Variants in TNFSF4 observed in about 807,000 individuals in gnomAD.
TNFSF4 encodes tumor necrosis factor ligand superfamily member 4.
In TNFSF4, 4 loss-of-function variants were observed where a neutral mutation model predicts 7.3. That is an observed-to-expected ratio of 0.55 (90% CI 0.27 to 1.25). The LOEUF is 1.25. Among genes scored for constraint, TNFSF4 ranks in the 50% most tolerant of loss-of-function variants. The pLI, the probability that TNFSF4 is intolerant of heterozygous loss-of-function variation, is 0.12. For missense variants in TNFSF4, 181 were observed against 208.8 expected (o/e 0.87, Z 0.82); for synonymous variants, 76 against 83.7 (o/e 0.91, Z 0.50).
At chr1:173,217,254 T>C in the TNFSF4 span, among the ~76,000 whole-genome samples, 1 of 152,196 alleles carries the variant, frequency 6.6e-6, no homozygotes, top group Non-Finnish European at 1.5e-5. Flanking sequence ...GCTCAACACA[T>C]GAACAGAATA....
At chr1:173,215,631 C>A in the TNFSF4 span, among the ~76,000 whole-genome samples, 1 of 152,278 alleles carries the variant, frequency 6.6e-6, no homozygotes, top group African/African-American at 2.4e-5. Context: ...AAACAAAAAA[C>A]CTGTAAGCCT....
the TNFSF4 span, among the ~76,000 whole-genome samples, chr1:173,247,130 A>G: frequency 3.3e-4 from 50 of 152,208 alleles, 1 homozygote; most frequent in African/African-American, 1.2e-3. Flanking sequence ...CCTCCTACTC[A>G]GGGATGGGTG....
At chr1:173,335,398 G>A in the TNFSF4 span, among the ~76,000 whole-genome samples, 3 of 152,018 alleles carry the variant, frequency 2.0e-5, no homozygotes, top group Non-Finnish European at 4.4e-5. Context: ...TCTCCGTAGG[G>A]GCCAGACATT....
the TNFSF4 span, among the ~76,000 whole-genome samples, chr1:173,304,609 C>G: frequency 6.6e-6 from 1 of 151,952 alleles, no homozygotes; most frequent in Non-Finnish European, 1.5e-5. Context: ...GTTACTTACT[C>G]TCAGTAAATT....
At chr1:173,353,319 C>A in the TNFSF4 span, among the ~76,000 whole-genome samples, 1 of 152,156 alleles carries the variant, frequency 6.6e-6, no homozygotes, top group Non-Finnish European at 1.5e-5. Flanking sequence ...TAAGAAATTA[C>A]AAAAGTACTA....
chr1:173,261,283 G>GA, the TNFSF4 span, among the ~76,000 whole-genome samples: 1 of 152,136 alleles, frequency 6.6e-6, no homozygotes, highest in African/African-American at 2.4e-5. Context: ...AAACTAGTGA[G>GA]AACAAAGAGA....
the TNFSF4 span, among the ~76,000 whole-genome samples, chr1:173,310,037 C>G: frequency 6.6e-6 from 1 of 151,728 alleles, no homozygotes; most frequent in African/African-American, 2.4e-5. Flanking sequence ...TTTTTCCTTC[C>G]AATATTGAAA....
chr1:173,427,529 T>C, the TNFSF4 span, among the ~76,000 whole-genome samples: 1 of 152,038 alleles, frequency 6.6e-6, no homozygotes, highest in Admixed American at 6.5e-5. Flanking sequence ...ACTGACAGTG[T>C]AAAGAATGTC....
At chr1:173,316,612 C>A in the TNFSF4 span, among the ~76,000 whole-genome samples, 1 of 151,964 alleles carries the variant, frequency 6.6e-6, no homozygotes, top group African/African-American at 2.4e-5. Flanking sequence ...GTTTCTCAAA[C>A]CATCTGTGGT....
the TNFSF4 span, chr1:173,441,882 AC>A: frequency 1.3e-5 from 2 of 152,192 alleles, no homozygotes; most frequent in Non-Finnish European, 2.9e-5. Flanking sequence ...GCAAAAACTA[AC>A]ACCCATTCCT....
chr1:173,207,069 CA>C lies in TNFSF4; in HGVS notation c.107del (p.Leu36ArgfsTer51). On this transcript the variant is annotated frameshift_variant, in exon 1 of 3. Coordinates refer to ENST00000281834, the MANE Select transcript of TNFSF4 (RefSeq NM_003326.5). LOFTEE classifies it high-confidence loss of function. ...LVASVIQGLG[L>X]LLCFTYICLH... ...GGCAGATGTAGGTGAAGCACAGGAGCAGCCCCAGTCCCTGAATTACAGAGGC... is the reference window on the plus strand; with the variant it reads ...GGCAGATGTAGGTGAAGCACAGGAGCGCCCCAGTCCCTGAATTACAGAGGC... 6.2e-7 allele frequency: 1 copy of C among 1,613,662 alleles called. No individual in the cohort carries two copies. The highest frequency in any genetic ancestry group is 1.1e-5 in the South Asian group (1 of 91,046).
chr1:173,267,913 A>AAGGAAC, the TNFSF4 span, among the ~76,000 whole-genome samples: 43,585 of 151,188 alleles, frequency 0.29, 6,342 homozygotes, highest in Admixed American at 0.37. Context: ...GAGGAAAGAG[A>AAGGAAC]AGGAGAGGAA....
At chr1:173,395,447 A>G in the TNFSF4 span, among the ~76,000 whole-genome samples, 4 of 135,520 alleles carry the variant, frequency 3.0e-5, no homozygotes, top group African/African-American at 1.1e-4. Context: ...AAATTTTGGG[A>G]AAACTGGTGA....
At chr1:173,326,598 G>T in the TNFSF4 span, among the ~76,000 whole-genome samples, 1 of 152,168 alleles carries the variant, frequency 6.6e-6, no homozygotes, top group Admixed American at 6.5e-5. Context: ...CAGACGACAT[G>T]ATTGTATATC....
At chr1:173,254,144 A>G in the TNFSF4 span, among the ~76,000 whole-genome samples, 2 of 152,218 alleles carry the variant, frequency 1.3e-5, no homozygotes, top group Non-Finnish European at 2.9e-5. Context: ...TTAAGACTCA[A>G]ACTCTTTAGT....
At chr1:173,230,807 T>C in the TNFSF4 span, among the ~76,000 whole-genome samples, 1 of 152,016 alleles carries the variant, frequency 6.6e-6, no homozygotes, top group Non-Finnish European at 1.5e-5. Flanking sequence ...AATACCTAAA[T>C]ACTAGACACC....
the TNFSF4 span, among the ~76,000 whole-genome samples, chr1:173,216,918 G>A: frequency 9.2e-5 from 14 of 151,862 alleles, no homozygotes; most frequent in South Asian, 1.3e-3. Context: ...GCTCAAATTC[G>A]CCCTGGTTAT....
upstream of TNFSF4, among the ~76,000 whole-genome samples, chr1:173,208,587 TA>T (rs1650276405): frequency 6.6e-6 from 1 of 152,232 alleles, no homozygotes; most frequent in Non-Finnish European, 1.5e-5. Flanking sequence ...TTGAGAAATT[TA>T]AGTTTTATCT....
chr1:173,428,191 C>A, the TNFSF4 span, among the ~76,000 whole-genome samples: 1 of 151,996 alleles, frequency 6.6e-6, no homozygotes, highest in South Asian at 2.1e-4. Flanking sequence ...GTGATCCACC[C>A]GCCTCAGCCT....
Sources: allele counts gnomAD v4.1 joint callset (sites outside exome capture counted in the v4.1 genomes callset), GRCh38; gene constraint gnomAD v4.1.1; transcripts MANE v1.5; gene names NCBI Gene and HGNC (gene_info 2026-07-23, HGNC 2026-07-21).